Variants in TRIM2 observed in about 807,000 individuals in gnomAD.
TRIM2 encodes the protein tripartite motif containing 2.
Under a neutral mutation model 75.2 loss-of-function variants are expected in TRIM2, and 20 were observed. The observed-to-expected ratio is 0.27, with a 90% CI of 0.19 to 0.39. The LOEUF is 0.39. Among genes scored for constraint, TRIM2 ranks in the 10% least tolerant of loss-of-function variants. TRIM2 has a pLI of 1.00. For missense variants in TRIM2, 660 were observed against 990.8 expected, an observed-to-expected ratio of 0.67 and a Z score of 4.48; for synonymous variants, 373 against 388.3, an observed-to-expected ratio of 0.96 and a Z score of 0.46.
intron 9 of TRIM2, 41 bp downstream of exon 9, chr4:153,322,857 T>G (rs1478500464): frequency 1.4e-5 from 22 of 1,609,936 alleles, no homozygotes; most frequent in East Asian, 4.5e-5. Flanking sequence ...TTTTTATGCT[T>G]CTTCTGCTCA....
chr4:153,180,939 C>T lies in TRIM2; in HGVS notation c.-49+27669C>T, dbSNP rs559768697. On this transcript the variant is annotated intron_variant, in intron 1 of 11. Coordinates refer to the TRIM2 transcript ENST00000437508. The stretch of plus-strand genomic sequence containing the variant: ...GCATTGTCCTGAGTGCTGGGGAAGC[C>T]CCTGCCCTCAAAGAGATTGCCTATA... 3.3e-5 allele frequency among the ~76,000 whole-genome samples: 5 copies of T among 152,296 alleles called. No homozygotes were observed. The East Asian group carries it at 9.7e-4, about 29-fold the overall frequency.
In TRIM2 at chr4:153,338,662, C is replaced by T; in HGVS notation, c.*3696C>T. On this transcript the variant is annotated 3_prime_UTR_variant, in exon 12 of 12. Coordinates refer to ENST00000338700, the MANE Select transcript of TRIM2 (RefSeq NM_015271.5). ...TTTTCAATGACAGTAAGCTACAAAT[C>T]ATGATGCTTAAAAACTTTCTAAAGA... 1 of 985,666 alleles carries T rather than the reference C, an allele frequency of 1.0e-6. No homozygotes were observed. The allele number at this position is 985,666 out of a possible 1,614,324, so 61.1% of individuals were successfully genotyped here. A position where few individuals can be genotyped will look rare whatever the true frequency, so the allele number is the denominator to read the frequency against.
chr4:153,285,299 T>A (rs1461511162), intron 3 of TRIM2, among the ~76,000 whole-genome samples: 1 of 152,220 alleles, frequency 6.6e-6, no homozygotes, highest in Non-Finnish European at 1.5e-5. Context: ...TCTATATGCC[T>A]ATTCTCATGC....
At chr4:153,291,786 A>G (rs933831685) in intron 3 of TRIM2, among the ~76,000 whole-genome samples, 1 of 152,136 alleles carries the variant, frequency 6.6e-6, no homozygotes, top group Admixed American at 6.5e-5. Flanking sequence ...CAGCTACTAC[A>G]TATTAAGAAC....
At chr4:153,249,172 G>A (rs1226188491) in intron 1 of TRIM2, among the ~76,000 whole-genome samples, 4 of 152,260 alleles carry the variant, frequency 2.6e-5, no homozygotes. Flanking sequence ...GAGACAAAAA[G>A]GTTAGAAAAG....
In TRIM2 at chr4:153,335,040, A is replaced by ATT. The variant is rs1772291942; in HGVS notation, c.*75_*76dup. On this transcript the variant is annotated 3_prime_UTR_variant, in exon 12 of 12. Coordinates refer to ENST00000338700, the MANE Select transcript of TRIM2 (RefSeq NM_015271.5). ...AATGGATTTCTCAATGCGGGACCAG[A>ATT]TTATGACTAGAGTTTTTATGCCAGA... is the stretch of plus-strand genomic sequence containing the variant. The ATT allele has an allele frequency of 1.4e-6, 2 of 1,389,718 alleles. No homozygotes were observed. Among genetic ancestry groups the ATT allele is most frequent in the Non-Finnish European group, 1.9e-6 (2 of 1,055,886 alleles). 86.1% of individuals were successfully genotyped at this position (1,389,718 alleles called of 1,614,324 possible).
chr4:153,289,871 C>A (rs1695710300), intron 3 of TRIM2, among the ~76,000 whole-genome samples: 1 of 152,154 alleles, frequency 6.6e-6, no homozygotes, highest in Non-Finnish European at 1.5e-5. Flanking sequence ...TTCCCTCAGT[C>A]CATACACTTA....
chr4:153,244,526 G>C (rs1490206191), intron 1 of TRIM2, among the ~76,000 whole-genome samples: 1 of 137,820 alleles, frequency 7.3e-6, no homozygotes, highest in Non-Finnish European at 1.7e-5. Context: ...CTCCAAAGTA[G>C]CTGAGATTAC....
intron 1 of TRIM2, among the ~76,000 whole-genome samples, chr4:153,263,349 T>A (rs1754059834): frequency 6.6e-6 from 1 of 151,902 alleles, no homozygotes; most frequent in South Asian, 2.1e-4. Context: ...AAAAAAAGAC[T>A]ATCACATTGG....
At chr4:153,251,933 GCACTCC>G (rs66804077) in intron 1 of TRIM2, among the ~76,000 whole-genome samples, 57,151 of 151,642 alleles carry the variant, frequency 0.38, 12,162 homozygotes, top group African/African-American at 0.59. Context: ...TCACGCCACT[GCACTCC>G]CACTCCAGCT....
chr4:153,310,274 T>C (rs1436576390), intron 6 of TRIM2: 1 of 152,180 alleles, frequency 6.6e-6, no homozygotes, highest in Non-Finnish European at 1.5e-5. Context: ...TTTATAAGTA[T>C]TATATGTGTT....
At chr4:153,315,228 G>A (rs545025642) in intron 6 of TRIM2, among the ~76,000 whole-genome samples, 23 of 152,310 alleles carry the variant, frequency 1.5e-4, no homozygotes, top group African/African-American at 5.5e-4. Context: ...TTTTAAACAT[G>A]TTAATATGCA....
At chr4:153,213,272 T>A (rs945157520) in intron 1 of TRIM2, among the ~76,000 whole-genome samples, 1 of 152,238 alleles carries the variant, frequency 6.6e-6, no homozygotes, top group Non-Finnish European at 1.5e-5. Flanking sequence ...TTAACCATTA[T>A]GTGATGCCTC....
At chr4:153,317,655 G>GAAA (rs11316229) in intron 8 of TRIM2, among the ~76,000 whole-genome samples, 64 of 130,362 alleles carry the variant, frequency 4.9e-4, no homozygotes, top group African/African-American at 1.7e-3. Context: ...GTCTCAAAAA[G>GAAA]AAAAAAAAAA....
In TRIM2 at chr4:153,281,949, C is replaced by G. The variant is rs143125124; in HGVS notation, c.453+5819C>G. ...GGTCCTCATTAAGACTGCCCTGCCA[C>G]TAACAAGTTTCCACTTCCATATCAG... On this transcript the variant is annotated intron_variant, in intron 3 of 11. Transcript: ENST00000338700. Among the ~76,000 whole-genome samples, 1,120 of 152,348 alleles carry G rather than the reference C, an allele frequency of 7.4e-3. 20 individuals carry two copies. Among genetic ancestry groups the G allele is most frequent in the African/African-American group, 0.025 (1,041 of 41,574 alleles).
chr4:153,254,961 G>A (rs530736486), intron 1 of TRIM2, among the ~76,000 whole-genome samples: 1 of 152,054 alleles, frequency 6.6e-6, no homozygotes, highest in Non-Finnish European at 1.5e-5. Flanking sequence ...TTACTCGCTG[G>A]TCCCATGAAC....
chr4:153,280,275 A>AT (rs1758992126), intron 3 of TRIM2, among the ~76,000 whole-genome samples: 1 of 152,084 alleles, frequency 6.6e-6, no homozygotes, highest in African/African-American at 2.4e-5. Context: ...TGATACGCTT[A>AT]TAACCCTGAT....
chr4:153,219,196 G>A (rs1024231990), intron 1 of TRIM2, among the ~76,000 whole-genome samples: 1 of 152,218 alleles, frequency 6.6e-6, no homozygotes, highest in Middle Eastern at 3.4e-3. Flanking sequence ...ATTTCAAAGA[G>A]GTGCATTTCA....
intron 3 of TRIM2, among the ~76,000 whole-genome samples, chr4:153,280,608 G>C (rs996099600): frequency 7.9e-5 from 12 of 151,806 alleles, no homozygotes; most frequent in Non-Finnish European, 1.5e-4. Context: ...TTGCAAACTG[G>C]CCTCAAGGGA....
Sources: allele counts gnomAD v4.1 joint callset (sites outside exome capture counted in the v4.1 genomes callset), GRCh38; gene constraint gnomAD v4.1.1; transcripts MANE v1.5; gene names NCBI Gene and HGNC (gene_info 2026-07-23, HGNC 2026-07-21).